AGPS: variants seen among roughly 807,000 people sequenced by gnomAD.
The protein encoded by AGPS is alkylglycerone phosphate synthase.
Under a neutral mutation model 90.7 loss-of-function variants are expected in AGPS, and 26 were observed. The observed-to-expected ratio is 0.29, with a 90% confidence interval of 0.21 to 0.40. AGPS has a LOEUF of 0.40. Ranked by LOEUF, AGPS falls within the 10% of genes least tolerant of loss-of-function variation. The pLI is 1.00. For missense variants in AGPS, 540 were observed against 816.1 expected, an observed-to-expected ratio of 0.66 and a Z score of 4.12; for synonymous variants, 294 against 285.3, an observed-to-expected ratio of 1.03 and a Z score of -0.31.
At chr2:177,450,342 C>T (rs534331073) in intron 8 of AGPS, among the ~76,000 whole-genome samples, 10 of 152,230 alleles carry the variant, frequency 6.6e-5, no homozygotes, top group African/African-American at 2.4e-4. Context: ...ATTTGTCTTT[C>T]TATCATGCTT....
At chr2:177,443,559 A>G (rs1168940674) in intron 7 of AGPS, among the ~76,000 whole-genome samples, 1 of 152,240 alleles carries the variant, frequency 6.6e-6, no homozygotes, top group African/African-American at 2.4e-5. Flanking sequence ...TTGTTTTTAC[A>G]GCAAGAATCC....
intron 10 of AGPS, among the ~76,000 whole-genome samples, chr2:177,470,171 G>A (rs978545086): frequency 6.6e-6 from 1 of 152,126 alleles, no homozygotes; most frequent in Non-Finnish European, 1.5e-5. Flanking sequence ...CTCATTATGA[G>A]GCTGCTGGTT....
intron 16 of AGPS, 109 bp downstream of exon 16, chr2:177,508,140 C>T: frequency 6.0e-6 from 5 of 836,794 alleles, no homozygotes; most frequent in South Asian, 1.4e-5. Context: ...TATGAAGAAA[C>T]ATTGAGACAA....
intron 10 of AGPS, among the ~76,000 whole-genome samples, chr2:177,472,536 T>C (rs987861375): frequency 6.6e-6 from 1 of 152,180 alleles, no homozygotes; most frequent in Non-Finnish European, 1.5e-5. Flanking sequence ...TGGCTGGTTT[T>C]AGGGTGGAGA....
Position 177,423,153 on chromosome 2 carries a change from G to A in AGPS, c.350+2795G>A, listed in dbSNP as rs1685983566. On this transcript the variant is annotated intron_variant, in intron 2 of 19. Coordinates refer to ENST00000264167, the MANE Select transcript of AGPS (RefSeq NM_003659.4). ...ATCTTGTTCTGTCTTCAAACCCTGGGAGCACTACACTCTGTATACCAGCAC... is the reference window on the plus strand; with the variant it reads ...ATCTTGTTCTGTCTTCAAACCCTGGAAGCACTACACTCTGTATACCAGCAC... Among the ~76,000 whole-genome samples the A allele has an allele frequency of 2.7e-5, 2 of 73,162 alleles. 1 individual carries two copies. The highest frequency in any genetic ancestry group is 8.9e-4 in the South Asian group (2 of 2,238). 48.0% of individuals were successfully genotyped at this position (73,162 alleles called of 152,430 possible). A position where few individuals can be genotyped will look rare whatever the true frequency, so the allele number is the denominator to read the frequency against.
chr2:177,493,229 C>A, intron 12 of AGPS, 30 bp downstream of exon 12: 2 of 1,569,236 alleles, frequency 1.3e-6, no homozygotes, highest in South Asian at 1.1e-5. Context: ...TTTAAAATGT[C>A]ATTTAGCCAC....
intron 1 of AGPS, among the ~76,000 whole-genome samples, chr2:177,412,340 C>T (rs765027664): frequency 1.1e-4 from 16 of 152,188 alleles, no homozygotes; most frequent in African/African-American, 3.4e-4. Flanking sequence ...TGATGTCAAC[C>T]GGCTAATGCT....
chr2:177,425,956 G>A (rs1306292665), intron 2 of AGPS, among the ~76,000 whole-genome samples: 7 of 152,070 alleles, frequency 4.6e-5, no homozygotes, highest in Non-Finnish European at 8.8e-5. Flanking sequence ...AATGGGAATA[G>A]CATTGAATCT....
intron 11 of AGPS, among the ~76,000 whole-genome samples, chr2:177,491,198 G>A (rs1295908550): frequency 5.9e-5 from 9 of 151,660 alleles, no homozygotes; most frequent in Admixed American, 3.9e-4. Flanking sequence ...CATCAGCACC[G>A]TCTCCTAAAG....
chr2:177,524,674 A>G (rs77255083), intron 19 of AGPS, among the ~76,000 whole-genome samples: 2,417 of 152,128 alleles, frequency 0.016, 59 homozygotes, highest in African/African-American at 0.054. Flanking sequence ...ACTTATTATT[A>G]TCTAATATGC....
chr2:177,426,943 G>C (rs1686099473), intron 2 of AGPS, among the ~76,000 whole-genome samples: 1 of 152,126 alleles, frequency 6.6e-6, no homozygotes, highest in African/African-American at 2.4e-5. Flanking sequence ...AATGGTACCA[G>C]CTCTTCTTTG....
intron 16 of AGPS, among the ~76,000 whole-genome samples, chr2:177,510,611 T>C (rs577369878): frequency 6.6e-6 from 1 of 152,212 alleles, no homozygotes; most frequent in Non-Finnish European, 1.5e-5. Context: ...CTATTCTTTA[T>C]ATATACTTAC....
At chr2:177,468,349 T>A (rs1304012435) in intron 9 of AGPS, 67 bp from the exon 10 acceptor site, 2 of 907,292 alleles carry the variant, frequency 2.2e-6, no homozygotes, top group Non-Finnish European at 3.6e-6. Context: ...TATATATAAA[T>A]GTCTGTACAT....
chr2:177,441,190 C>T, intron 6 of AGPS, 154 bp downstream of exon 6: 1 of 678,358 alleles, frequency 1.5e-6, no homozygotes, highest in East Asian at 2.8e-5. Flanking sequence ...CATTTTTGTT[C>T]TAAGTAGGAT....
intron 1 of AGPS, among the ~76,000 whole-genome samples, chr2:177,409,896 T>C (rs937206576): frequency 4.6e-5 from 7 of 152,212 alleles, no homozygotes; most frequent in African/African-American, 1.7e-4. Flanking sequence ...GGATTATTTC[T>C]TTGGCACACT....
chr2:177,417,808 C>T (rs1685828811), intron 1 of AGPS, among the ~76,000 whole-genome samples: 1 of 152,128 alleles, frequency 6.6e-6, no homozygotes, highest in Non-Finnish European at 1.5e-5. Flanking sequence ...GTTCAAAATA[C>T]TTCTATGTAT....
intron 6 of AGPS, among the ~76,000 whole-genome samples, chr2:177,442,108 A>G (rs561978733): frequency 1.1e-4 from 17 of 152,228 alleles, no homozygotes; most frequent in African/African-American, 3.8e-4. Flanking sequence ...TTTTCTAATC[A>G]TGTTTTTGGA....
chr2:177,511,304 C>T (rs1688863143), intron 16 of AGPS, among the ~76,000 whole-genome samples: 1 of 151,902 alleles, frequency 6.6e-6, no homozygotes, highest in African/African-American at 2.4e-5. Context: ...CATTATGTTG[C>T]CCAGGCTGGT....
chr2:177,450,963 C>CATATATATATATATATATATATATATAT (rs1400248543), intron 8 of AGPS, among the ~76,000 whole-genome samples: 315 of 6,252 alleles, frequency 0.05, 21 homozygotes, highest in African/African-American at 0.1. Flanking sequence ...ACATGTCTTT[C>CATATATATATATATATATATATATATAT]ATATATATAT....
Sources: gnomAD v4.1 joint callset for allele counts (sites outside exome capture counted in the v4.1 genomes callset) on GRCh38, gnomAD v4.1.1 for gene constraint, MANE v1.5 for transcripts, NCBI Gene and HGNC (gene_info 2026-07-23, HGNC 2026-07-21) for gene names.